The following NTM variants were observed in gnomAD, a reference collection of about 807,000 sequenced individuals.
NTM encodes neurotrimin, also known as IgLON family member 2.
Under a neutral mutation model 42.1 loss-of-function variants are expected in NTM, and 13 were observed. That is an observed-to-expected ratio of 0.31 (90% CI 0.20 to 0.49). NTM has a LOEUF of 0.49. Among genes scored for constraint, NTM ranks in the 20% least tolerant of loss-of-function variants. The probability of loss-of-function intolerance (pLI) is 0.99; values close to 1 mark genes in which losing one functional copy is unlikely to be tolerated. For missense variants in NTM, 373 were observed against 452.8 expected (o/e 0.82, Z 1.60); for synonymous variants, 187 against 179.2 (o/e 1.04, Z -0.35).
intron 1 of NTM, among the ~76,000 whole-genome samples, chr11:131,628,727 G>A (rs1444854030): frequency 6.6e-6 from 1 of 152,208 alleles, no homozygotes; most frequent in African/African-American, 2.4e-5. Context: ...GGACACCTGA[G>A]TTGAAAACTG....
rs148165459 is a variant in NTM at position 132,254,521 on chromosome 11, G to A, written c.526+42374G>A. Among the ~76,000 whole-genome samples, 1,394 of 152,004 alleles carry A rather than the reference G, an allele frequency of 9.2e-3. 11 individuals are homozygous for A. Among genetic ancestry groups the A allele is most frequent in the Middle Eastern group, 0.034 (10 of 294 alleles). On this transcript the variant is annotated intron_variant, in intron 4 of 8. Transcript: ENST00000683400. Reference sequence around the variant, plus strand: ...CCTAAGTGTCTCTCTGTGCTCCGCCGTGGCATTGTTCTCAAGTCCCATCTA... The same window carrying A: ...CCTAAGTGTCTCTCTGTGCTCCGCCATGGCATTGTTCTCAAGTCCCATCTA...
intron 1 of NTM, among the ~76,000 whole-genome samples, chr11:131,791,071 C>T (rs1033465036): frequency 2.6e-5 from 4 of 152,128 alleles, no homozygotes; most frequent in Admixed American, 1.3e-4. Flanking sequence ...TGGTTTAGTG[C>T]GGTGCCTATG....
Position 132,119,100 on chromosome 11 carries a change from A to C in NTM, c.168-27182A>C, listed in dbSNP as rs139051782. Among the ~76,000 whole-genome samples, 28 of 152,282 alleles carry C rather than the reference A, an allele frequency of 1.8e-4. No individual in the cohort carries two copies. The South Asian group carries it at 2.1e-3, about 11-fold the overall frequency. Reference sequence around the variant, plus strand: ...GCTCTGGGCCCTGGGACCTGGGCAGACAGTGCCCCACATTGGCATCAGCCG... The same window carrying C: ...GCTCTGGGCCCTGGGACCTGGGCAGCCAGTGCCCCACATTGGCATCAGCCG... On this transcript the variant is annotated intron_variant, in intron 2 of 8. Transcript: ENST00000683400.
Position 131,632,086 on chromosome 11 carries a change from G to A in NTM, c.82+261198G>A, listed in dbSNP as rs546065878. The stretch of plus-strand genomic sequence containing the variant: ...GAGTACTTTTTAGATCTGCAGATGT[G>A]GTGATTTCTTAATTTCAAGGCCATT... On this transcript the variant is annotated intron_variant, in intron 1 of 8. Coordinates refer to ENST00000683400, the MANE Select transcript of NTM (RefSeq NM_001352005.2). Among the ~76,000 whole-genome samples, 10 of 152,132 alleles carry A rather than the reference G, an allele frequency of 6.6e-5. No homozygotes were observed. The East Asian group carries it at 1.5e-3, about 23-fold the overall frequency.
chr11:132,055,507 C>A (rs904834604), intron 2 of NTM, among the ~76,000 whole-genome samples: 1 of 152,140 alleles, frequency 6.6e-6, no homozygotes, highest in Admixed American at 6.5e-5. Context: ...GGCACATTAA[C>A]CCTGTGGCAT....
intron 1 of NTM, among the ~76,000 whole-genome samples, chr11:131,640,385 G>T (rs1242024350): frequency 6.6e-6 from 1 of 152,158 alleles, no homozygotes; most frequent in Non-Finnish European, 1.5e-5. Flanking sequence ...GCCTTTGTTC[G>T]TTCTTACCTG....
At chr11:131,482,749 G>A (rs79033447) in intron 1 of NTM, among the ~76,000 whole-genome samples, 2,126 of 152,268 alleles carry the variant, frequency 0.014, 62 homozygotes, top group African/African-American at 0.048. Flanking sequence ...ATGCAAATTT[G>A]GGAGAGTGGA....
chr11:131,647,596 G>T (rs1215183459), intron 1 of NTM, among the ~76,000 whole-genome samples: 1 of 152,202 alleles, frequency 6.6e-6, no homozygotes, highest in Non-Finnish European at 1.5e-5. Context: ...TCTTGCCAAA[G>T]TTGTGAATTC....
chr11:131,381,707 G>A (rs2135525027), intron 1 of NTM, among the ~76,000 whole-genome samples: 1 of 152,278 alleles, frequency 6.6e-6, no homozygotes, highest in East Asian at 1.9e-4. Flanking sequence ...GAACTGTGTT[G>A]ATTAATTCCT....
At chr11:131,632,214 A>G (rs911664694) in intron 1 of NTM, among the ~76,000 whole-genome samples, 2 of 152,082 alleles carry the variant, frequency 1.3e-5, no homozygotes, top group East Asian at 1.9e-4. Flanking sequence ...CTCTATATTA[A>G]TGATTTTCTC....
intron 1 of NTM, among the ~76,000 whole-genome samples, chr11:131,711,737 T>C (rs1483906452): frequency 5.3e-5 from 8 of 151,666 alleles, no homozygotes; most frequent in Non-Finnish European, 1.2e-4. Context: ...AACCCAAATG[T>C]CCAACAATGA....
intron 1 of NTM, chr11:131,539,608 C>A (rs1390278158): frequency 6.6e-6 from 1 of 152,124 alleles, no homozygotes; most frequent in African/African-American, 2.4e-5. Context: ...TGAGGTAAGA[C>A]CTGAATGACA....
intron 1 of NTM, chr11:131,371,193 C>A: frequency 1.5e-6 from 1 of 669,332 alleles, no homozygotes; most frequent in Non-Finnish European, 1.8e-6. Flanking sequence ...ACATACACAA[C>A]GGAGCACACA....
intron 3 of NTM, among the ~76,000 whole-genome samples, chr11:132,174,310 A>G (rs2076491615): frequency 6.6e-6 from 1 of 152,242 alleles, no homozygotes; most frequent in Non-Finnish European, 1.5e-5. Flanking sequence ...TCCCTACTGC[A>G]AAGAGTTATT....
At chr11:131,706,705 A>T (rs1349037734) in intron 1 of NTM, among the ~76,000 whole-genome samples, 1 of 152,098 alleles carries the variant, frequency 6.6e-6, no homozygotes, top group East Asian at 1.9e-4. Flanking sequence ...ACAAATATGT[A>T]GAAATTAAAC....
intron 1 of NTM, among the ~76,000 whole-genome samples, chr11:131,514,359 C>T (rs987545449): frequency 1.3e-5 from 2 of 152,070 alleles, no homozygotes; most frequent in African/African-American, 2.4e-5. Context: ...ACGTAATGGC[C>T]GTCAAGTGAC....
intron 4 of NTM, among the ~76,000 whole-genome samples, chr11:132,241,532 G>T (rs920173341): frequency 2.0e-5 from 3 of 152,090 alleles, no homozygotes; most frequent in Admixed American, 6.6e-5. Context: ...GTTGAGCAGG[G>T]ACATACAATC....
intron 1 of NTM, among the ~76,000 whole-genome samples, chr11:131,422,532 A>C (rs1032577046): frequency 1.3e-5 from 2 of 152,322 alleles, no homozygotes; most frequent in African/African-American, 4.8e-5. Flanking sequence ...CTCTGTGACA[A>C]ATTTCTTGGG....
intron 1 of NTM, among the ~76,000 whole-genome samples, chr11:131,408,802 T>G (rs77863176): frequency 1.9e-3 from 294 of 152,352 alleles, no homozygotes; most frequent in South Asian, 3.5e-3. Context: ...ACTCAGATCA[T>G]CTGCAAAACT....
Sources: allele counts gnomAD v4.1 joint callset (sites outside exome capture counted in the v4.1 genomes callset), GRCh38; gene constraint gnomAD v4.1.1; transcripts MANE v1.5; gene names NCBI Gene and HGNC (gene_info 2026-07-23, HGNC 2026-07-21).